Variants in RSRC1 observed in about 807,000 individuals in gnomAD.
RSRC1 encodes the protein serine/Arginine-related protein 53.
A neutral mutation model predicts 49.1 loss-of-function variants in RSRC1; 39 were observed. That is an observed-to-expected ratio of 0.79 (90% CI 0.61 to 1.04). The LOEUF (loss-of-function observed/expected upper bound fraction) is 1.04, where lower values mean the gene tolerates loss of function less well. Ranked by LOEUF, RSRC1 falls within the 50% of genes least tolerant of loss-of-function variation. The pLI, the probability that RSRC1 is intolerant of heterozygous loss-of-function variation, is 0.00. For missense variants in RSRC1, 388 were observed against 402.4 expected, an observed-to-expected ratio of 0.96 and a Z score of 0.31; for synonymous variants, 143 against 130.8, an observed-to-expected ratio of 1.09 and a Z score of -0.63.
At chr3:158,279,734 C>A (rs1209830944) in intron 4 of RSRC1, among the ~76,000 whole-genome samples, 2 of 152,154 alleles carry the variant, frequency 1.3e-5, no homozygotes, top group African/African-American at 2.4e-5. Context: ...AAAAGTCTTT[C>A]TTATATGCAG....
chr3:158,319,201 T>C (rs907238149), intron 5 of RSRC1, among the ~76,000 whole-genome samples: 1 of 152,024 alleles, frequency 6.6e-6, no homozygotes, highest in African/African-American at 2.4e-5. Flanking sequence ...TGAGAGGTGA[T>C]TGGATCATGG....
chr3:158,369,732 T>C, intron 6 of RSRC1, among the ~76,000 whole-genome samples: 1 of 152,158 alleles, frequency 6.6e-6, no homozygotes, highest in Non-Finnish European at 1.5e-5. Context: ...AATTGTCTTG[T>C]CATCCCAAAA....
chr3:158,229,382 ATG>A (rs60212651), intron 4 of RSRC1, among the ~76,000 whole-genome samples: 13,556 of 93,474 alleles, frequency 0.15, 2,475 homozygotes, highest in East Asian at 0.47. Context: ...ATGTGTATGT[ATG>A]TGTATATATA....
chr3:158,241,374 A>G (rs1346235912), intron 4 of RSRC1, among the ~76,000 whole-genome samples: 1 of 152,018 alleles, frequency 6.6e-6, no homozygotes, highest in African/African-American at 2.4e-5. Flanking sequence ...GCTTGAACCC[A>G]GGAGGCAGAA....
At chr3:158,473,299 G>A in intron 7 of RSRC1, among the ~76,000 whole-genome samples, 1 of 152,138 alleles carries the variant, frequency 6.6e-6, no homozygotes. Context: ...TAAAGAAAAT[G>A]TGGCACATAT....
intron 6 of RSRC1, among the ~76,000 whole-genome samples, chr3:158,376,549 A>T (rs1732386142): frequency 6.6e-6 from 1 of 151,830 alleles, no homozygotes. Flanking sequence ...TCCTCAACTA[A>T]CTTGGTCCAC....
chr3:158,505,792 A>C (rs1739835069), intron 7 of RSRC1, among the ~76,000 whole-genome samples: 2 of 137,414 alleles, frequency 1.5e-5, no homozygotes, highest in South Asian at 2.4e-4. Flanking sequence ...AAAGGATAGG[A>C]ATGTTCCAAG....
rs74491157 is a variant in RSRC1, at chr3:158,456,309, GT to G, written c.584-4611del. 2.6e-3 allele frequency among the ~76,000 whole-genome samples: 371 copies of G among 140,504 alleles called. 1 individual carries two copies. Among genetic ancestry groups the G allele is most frequent in the Middle Eastern group, 7.4e-3 (2 of 272 alleles). The allele number at this position is 140,504 out of a possible 152,430, so 92.2% of individuals were successfully genotyped here. ...GAAAGAGGGTGAGGATTACGTGAGG[GT>G]TTTTTTTTTTTTTTAATAGGCCAGC... On this transcript the variant is annotated intron_variant, in intron 6 of 9. Coordinates refer to ENST00000611884, the MANE Select transcript of RSRC1 (RefSeq NM_001271838.2).
chr3:158,269,373 A>G (rs1223400660), intron 4 of RSRC1, among the ~76,000 whole-genome samples: 1 of 152,152 alleles, frequency 6.6e-6, no homozygotes, highest in East Asian at 1.9e-4. Flanking sequence ...ATCTTCTTGA[A>G]GTTTTATCAT....
At chr3:158,417,347 TTA>T (rs1560032932) in intron 6 of RSRC1, among the ~76,000 whole-genome samples, 1 of 152,056 alleles carries the variant, frequency 6.6e-6, no homozygotes, top group African/African-American at 2.4e-5. Context: ...AGCATTTTAT[TTA>T]TGTTAGAGAA....
At chr3:158,161,170 C>G (rs1007305633) in intron 3 of RSRC1, among the ~76,000 whole-genome samples, 13 of 152,112 alleles carry the variant, frequency 8.5e-5, no homozygotes, top group African/African-American at 2.4e-4. Flanking sequence ...GTGGCACACA[C>G]AAAAAGTATT....
intron 4 of RSRC1, among the ~76,000 whole-genome samples, chr3:158,275,399 C>G (rs2108064129): frequency 6.6e-6 from 1 of 152,302 alleles, no homozygotes; most frequent in East Asian, 1.9e-4. Context: ...TTTAAAAAGT[C>G]TGTACCTGCC....
At chr3:158,415,156 A>G (rs370055506) in intron 6 of RSRC1, among the ~76,000 whole-genome samples, 1 of 152,222 alleles carries the variant, frequency 6.6e-6, no homozygotes, top group East Asian at 1.9e-4. Flanking sequence ...ATGGTGTGAG[A>G]TAGGAAAGCA....
At chr3:158,216,411 A>G (rs1385257433) in intron 4 of RSRC1, among the ~76,000 whole-genome samples, 2 of 151,318 alleles carry the variant, frequency 1.3e-5, no homozygotes, top group Admixed American at 6.6e-5. Context: ...TTGAAGTTCT[A>G]ATTTTTTGTA....
At chr3:158,229,296 A>G (rs1317314723) in intron 4 of RSRC1, among the ~76,000 whole-genome samples, 3 of 150,530 alleles carry the variant, frequency 2.0e-5, no homozygotes, top group Non-Finnish European at 4.4e-5. Flanking sequence ...ACACACACGT[A>G]TATGTGTATG....
At chr3:158,257,542 A>G (rs1360883124) in intron 4 of RSRC1, among the ~76,000 whole-genome samples, 2 of 151,894 alleles carry the variant, frequency 1.3e-5, no homozygotes, top group Non-Finnish European at 2.9e-5. Flanking sequence ...TAAGTGATGT[A>G]TGTTTCTTGT....
chr3:158,269,669 T>C (rs910942406), intron 4 of RSRC1, among the ~76,000 whole-genome samples: 1 of 152,060 alleles, frequency 6.6e-6, no homozygotes, highest in Non-Finnish European at 1.5e-5. Flanking sequence ...TGTGCCACCA[T>C]GCCCAGCTAA....
Position 158,203,032 on chromosome 3 carries a change from T to G in RSRC1, c.321-40T>G, listed in dbSNP as rs1164916945. Reference sequence around the variant, plus strand: ...GAGTATTTACTTTTCACGATACAAATTATACACTAAGTTTATTTAACAAAA... The same window carrying G: ...GAGTATTTACTTTTCACGATACAAAGTATACACTAAGTTTATTTAACAAAA... On this transcript the variant is annotated intron_variant, in intron 3 of 9. Transcript: ENST00000611884. The G allele has an allele frequency of 2.0e-6, 3 of 1,504,938 alleles. No individual in the cohort carries two copies. The East Asian group carries it at 6.8e-5, about 34-fold the overall frequency. 93.2% of individuals were successfully genotyped at this position (1,504,938 alleles called of 1,614,324 possible). A position where few individuals can be genotyped will look rare whatever the true frequency, so the allele number is the denominator to read the frequency against.
rs571468590 is a variant in RSRC1, at chr3:158,155,013, T to G, written c.320+31022T>G. On this transcript the variant is annotated intron_variant, in intron 3 of 9. Transcript: ENST00000611884. Reference sequence around the variant, plus strand: ...AGGCTCCACTTCTAATTCTGTTTTTTGTTTTGTTTTGTTTTGTTATTGCCA... The same window carrying G: ...AGGCTCCACTTCTAATTCTGTTTTTGGTTTTGTTTTGTTTTGTTATTGCCA... 2.6e-5 allele frequency among the ~76,000 whole-genome samples: 4 copies of G among 152,240 alleles called. No homozygotes were observed. In the South Asian group the frequency reaches 8.3e-4, roughly 32 times the overall value.
Sources: allele counts gnomAD v4.1 joint callset (sites outside exome capture counted in the v4.1 genomes callset), GRCh38; gene constraint gnomAD v4.1.1; transcripts MANE v1.5; gene names NCBI Gene and HGNC (gene_info 2026-07-23, HGNC 2026-07-21).